SLC6A2: variants seen among roughly 807,000 people sequenced by gnomAD.
The protein encoded by SLC6A2 is sodium-dependent noradrenaline transporter.
A neutral mutation model predicts 71.7 loss-of-function variants in SLC6A2; 26 were observed. That is an observed-to-expected ratio of 0.36 (90% CI 0.27 to 0.50). SLC6A2 has a LOEUF of 0.50. SLC6A2 is among the 20% of genes least tolerant of loss of function. SLC6A2 has a pLI of 0.96. For synonymous variants in SLC6A2, 363 were observed against 337.9 expected (o/e 1.07, Z -0.82); for missense variants, 581 against 803.9 (o/e 0.72, Z 3.35).
intron 2 of SLC6A2, among the ~76,000 whole-genome samples, chr16:55,667,597 A>G (rs1367357658): frequency 6.6e-6 from 1 of 152,172 alleles, no homozygotes; most frequent in Non-Finnish European, 1.5e-5. Flanking sequence ...AGCCCTTTCT[A>G]TGTGGGAGAG....
chr16:55,659,802 T>C (rs538779221), intron 2 of SLC6A2, among the ~76,000 whole-genome samples: 57 of 152,108 alleles, frequency 3.7e-4, no homozygotes, highest in Non-Finnish European at 1.2e-4. Flanking sequence ...TCATTAGTGG[T>C]CTTAGCTGTG....
Position 55,703,237 on chromosome 16 carries a change from G to T in SLC6A2, c.*891G>T, listed in dbSNP as rs990727399. On this transcript the variant is annotated 3_prime_UTR_variant, in exon 15 of 15. Coordinates refer to ENST00000568943, the MANE Select transcript of SLC6A2 (RefSeq NM_001172501.3). ...ACCTGCCTGGGGAAACGGGGGCAGG[G>T]ACCAAGTGAGGCCTCATGTGTGTCT... 3.0e-6 allele frequency: 3 copies of T among 985,444 alleles called. No individual in the cohort carries two copies. Among genetic ancestry groups the T allele is most frequent in the Non-Finnish European group, 3.6e-6 (3 of 830,038 alleles). The allele number at this position is 985,444 out of a possible 1,614,324, so 61.0% of individuals were successfully genotyped here. A position where few individuals can be genotyped will look rare whatever the true frequency, so the allele number is the denominator to read the frequency against.
chr16:55,700,413 C>A, intron 13 of SLC6A2, 107 bp downstream of exon 13: 1 of 998,164 alleles, frequency 1.0e-6, no homozygotes, highest in Non-Finnish European at 1.5e-6. Context: ...AGGACACAGA[C>A]ACTAGGGTCA....
chr16:55,690,771 A>G (rs1209357231), intron 5 of SLC6A2, among the ~76,000 whole-genome samples: 1 of 152,216 alleles, frequency 6.6e-6, no homozygotes. Context: ...AACTCCAAGA[A>G]TAGGATCTGA....
chr16:55,689,894 G>A (rs1596999380), intron 5 of SLC6A2, among the ~76,000 whole-genome samples: 1 of 152,140 alleles, frequency 6.6e-6, no homozygotes, highest in Non-Finnish European at 1.5e-5. Context: ...TGAAACAGAG[G>A]AGGCTTTCCT....
At chr16:55,666,423 T>A (rs1388533701) in intron 2 of SLC6A2, among the ~76,000 whole-genome samples, 1 of 152,234 alleles carries the variant, frequency 6.6e-6, no homozygotes, top group Non-Finnish European at 1.5e-5. Flanking sequence ...AAGAGTTTAC[T>A]TCTGCAAGAG....
intron 13 of SLC6A2, among the ~76,000 whole-genome samples, chr16:55,700,881 A>G (rs941727881): frequency 1.2e-4 from 18 of 152,344 alleles, no homozygotes; most frequent in African/African-American, 3.8e-4. Flanking sequence ...ATACACACAC[A>G]CACACATTTA....
chr16:55,685,095 C>T lies in SLC6A2; in HGVS notation c.645-48C>T, dbSNP rs371240956. On this transcript the variant is annotated intron_variant, in intron 4 of 14. Coordinates refer to ENST00000568943, the MANE Select transcript of SLC6A2 (RefSeq NM_001172501.3). ...GGTCTGTGGTCACGGCCTCTGTCGT[C>T]CTCCCTGACGACATTTACCCTGGTC... 151 of 1,605,204 alleles carry T rather than the reference C, an allele frequency of 9.4e-5. 1 individual carries two copies. In the South Asian group the frequency reaches 9.6e-4, roughly 10 times the overall value.
intron 2 of SLC6A2, 85 bp downstream of exon 2, chr16:55,657,053 G>A: frequency 1.3e-6 from 2 of 1,484,390 alleles, no homozygotes; most frequent in Non-Finnish European, 1.8e-6. Flanking sequence ...GAATACACAC[G>A]GAAGGGAGGC....
intron 11 of SLC6A2, 49 bp from the exon 12 acceptor site, chr16:55,699,505 C>T: frequency 6.8e-7 from 1 of 1,476,998 alleles, no homozygotes; most frequent in Non-Finnish European, 9.5e-7. Context: ...GGACCTGGCC[C>T]TGGCTATCAT....
In SLC6A2 at chr16:55,658,764, C is replaced by A. The variant is rs531310770; in HGVS notation, c.274+1796C>A. Among the ~76,000 whole-genome samples the A allele has an allele frequency of 3.9e-5, 6 of 152,284 alleles. No individual in the cohort carries two copies. The South Asian group carries it at 1.2e-3, about 32-fold the overall frequency. On this transcript the variant is annotated intron_variant, in intron 2 of 14. Transcript: ENST00000568943. ...GGGCATCTGAGGTCTGGGGCCTGAT[C>A]CGTGGGGAAACAACTTGTGACTCTG...
In SLC6A2 at chr16:55,702,820, A is replaced by G. The variant is rs1280661079; in HGVS notation, c.*474A>G. 41 of 1,047,896 alleles carry G rather than the reference A, an allele frequency of 3.9e-5. No homozygotes were observed. The highest frequency in any genetic ancestry group is 4.1e-5 in the Non-Finnish European group (36 of 868,510). The allele number at this position is 1,047,896 out of a possible 1,614,324, so 64.9% of individuals were successfully genotyped here. A position where few individuals can be genotyped will look rare whatever the true frequency, so the allele number is the denominator to read the frequency against. ...CTGAGTTTAGTGGGGTGGTTGGGGAAGGTACATAGACCCTCCTCTTGCCCA... is the reference window on the plus strand; with the variant it reads ...CTGAGTTTAGTGGGGTGGTTGGGGAGGGTACATAGACCCTCCTCTTGCCCA... On this transcript the variant is annotated 3_prime_UTR_variant, in exon 15 of 15. Coordinates refer to ENST00000568943, the MANE Select transcript of SLC6A2 (RefSeq NM_001172501.3).
rs1964458416 is a variant in SLC6A2 at position 55,656,677 on chromosome 16, C to T, written c.-18C>T. 2 of 1,611,366 alleles carry T rather than the reference C, an allele frequency of 1.2e-6. No individual in the cohort carries two copies. Among genetic ancestry groups the T allele is most frequent in the African/African-American group, 1.3e-5 (1 of 74,838 alleles). On this transcript the variant is annotated 5_prime_UTR_variant, in exon 2 of 15. Coordinates refer to ENST00000568943, the MANE Select transcript of SLC6A2 (RefSeq NM_001172501.3). This position sits in a 1 kb window ranked among gnomAD's most constrained non-coding sequence, Gnocchi z 4.5. The stretch of plus-strand genomic sequence containing the variant: ...CGTGCCCCCAGGACCGGTAAAGTTC[C>T]TCTCGCCAGCCGCATCCATGCTTCT...
chr16:55,693,905 C>A, intron 6 of SLC6A2, 105 bp from the exon 7 acceptor site: 2 of 823,486 alleles, frequency 2.4e-6, no homozygotes, highest in South Asian at 2.7e-5. Context: ...ACCATGTTTC[C>A]TCTGGTCTCA....
intron 6 of SLC6A2, 135 bp downstream of exon 6, chr16:55,692,187 G>C (rs576310071): frequency 1.9e-6 from 2 of 1,041,008 alleles, no homozygotes; most frequent in Admixed American, 1.8e-5. Context: ...TTCCCTGTCT[G>C]AGGTGCAGCT....
intron 4 of SLC6A2, among the ~76,000 whole-genome samples, chr16:55,672,767 A>C (rs1186398729): frequency 6.6e-6 from 1 of 152,220 alleles, no homozygotes; most frequent in African/African-American, 2.4e-5. Flanking sequence ...AAGAAGCGGG[A>C]AGCAGGCCAG....
intron 2 of SLC6A2, among the ~76,000 whole-genome samples, chr16:55,664,047 C>T (rs1266305522): frequency 5.3e-5 from 8 of 152,100 alleles, no homozygotes; most frequent in Non-Finnish European, 1.2e-4. Flanking sequence ...CCAAACATGC[C>T]TATCCAATGA....
intron 13 of SLC6A2, among the ~76,000 whole-genome samples, chr16:55,700,531 GCA>G (rs372184340): frequency 1.8e-4 from 28 of 152,146 alleles, no homozygotes; most frequent in African/African-American, 6.5e-4. Flanking sequence ...GAAGTACTTA[GCA>G]CAGTGTCTGG....
chr16:55,700,102 C>T (rs1965922885), intron 12 of SLC6A2, 37 bp from the exon 13 acceptor site: 1 of 1,586,570 alleles, frequency 6.3e-7, no homozygotes, highest in Non-Finnish European at 8.7e-7. Flanking sequence ...CTCTTCTGTC[C>T]TGTCTTCCTT....
Sources: gnomAD v4.1 joint callset for allele counts (sites outside exome capture counted in the v4.1 genomes callset) on GRCh38, gnomAD v4.1.1 for gene constraint, Gnocchi (gnomAD v3.1) non-coding constraint, MANE v1.5 for transcripts, NCBI Gene and HGNC (gene_info 2026-07-23, HGNC 2026-07-21) for gene names.